ATRNL1: variants seen among roughly 807,000 people sequenced by gnomAD.
ATRNL1 encodes the protein attractin like 1.
In ATRNL1, 95 loss-of-function variants were observed where a neutral mutation model predicts 182.7. That is an observed-to-expected ratio of 0.52 (90% CI 0.44 to 0.62). The LOEUF is 0.62. Ranked by LOEUF, ATRNL1 falls within the 20% of genes least tolerant of loss-of-function variation. The probability of loss-of-function intolerance (pLI) is 0.00; values close to 1 mark genes in which losing one functional copy is unlikely to be tolerated. For missense variants in ATRNL1, 1,471 were observed against 1,679.5 expected (o/e 0.88, Z 2.17); for synonymous variants, 576 against 568.3 (o/e 1.01, Z -0.19).
chr10:115,600,558 C>G (rs1207364230), intron 26 of ATRNL1, among the ~76,000 whole-genome samples: 2 of 151,990 alleles, frequency 1.3e-5, no homozygotes, highest in Non-Finnish European at 2.9e-5. Context: ...ATTTTTTGCT[C>G]ATTTTTAAAA....
At chr10:115,305,880 C>G (rs142090716) in intron 17 of ATRNL1, among the ~76,000 whole-genome samples, 1 of 152,068 alleles carries the variant, frequency 6.6e-6, no homozygotes. Flanking sequence ...AGGCAATGCT[C>G]CACTTCTAGG....
intron 14 of ATRNL1, among the ~76,000 whole-genome samples, chr10:115,281,970 A>G (rs1403585660): frequency 2.0e-5 from 3 of 147,278 alleles, no homozygotes; most frequent in Non-Finnish European, 4.5e-5. Flanking sequence ...TATATATTAT[A>G]TATTTTCCCT....
chr10:115,179,446 C>G (rs1847661455), intron 8 of ATRNL1, among the ~76,000 whole-genome samples: 1 of 152,248 alleles, frequency 6.6e-6, no homozygotes, highest in Non-Finnish European at 1.5e-5. Flanking sequence ...GAAACACTCC[C>G]TCCTCTTGCT....
chr10:115,676,997 G>T (rs1472703504), intron 26 of ATRNL1, among the ~76,000 whole-genome samples: 2 of 152,048 alleles, frequency 1.3e-5, no homozygotes, highest in African/African-American at 4.8e-5. Flanking sequence ...CTTATTTACA[G>T]TACTTCTTCC....
chr10:115,265,496 G>A (rs1218979617), intron 11 of ATRNL1, among the ~76,000 whole-genome samples: 2 of 151,546 alleles, frequency 1.3e-5, no homozygotes, highest in Non-Finnish European at 3.0e-5. Flanking sequence ...TAAAGGAAAG[G>A]TGCTGAGATA....
chr10:115,520,307 G>C (rs1378105545), intron 25 of ATRNL1, among the ~76,000 whole-genome samples: 3 of 152,158 alleles, frequency 2.0e-5, no homozygotes, highest in African/African-American at 7.2e-5. Flanking sequence ...GTCTTGTCCA[G>C]ATATCCATAA....
At chr10:115,486,293 T>C (rs182358170) in intron 24 of ATRNL1, among the ~76,000 whole-genome samples, 210 of 152,316 alleles carry the variant, frequency 1.4e-3, no homozygotes, top group African/African-American at 4.6e-3. Context: ...ATAGTATTTC[T>C]AGTTGCAGTT....
At chr10:115,179,170 A>C (rs1463621186) in intron 8 of ATRNL1, among the ~76,000 whole-genome samples, 3 of 152,122 alleles carry the variant, frequency 2.0e-5, no homozygotes, top group African/African-American at 7.2e-5. Flanking sequence ...TTCTCCTTCT[A>C]GTGGTGACTC....
intron 26 of ATRNL1, among the ~76,000 whole-genome samples, chr10:115,666,124 T>C: frequency 6.6e-6 from 1 of 152,146 alleles, no homozygotes; most frequent in Non-Finnish European, 1.5e-5. Flanking sequence ...CTGTAAAAAG[T>C]TTCACTGACA....
intron 1 of ATRNL1, among the ~76,000 whole-genome samples, chr10:115,101,720 C>T (rs190780370): frequency 0.013 from 1,945 of 152,174 alleles, 49 homozygotes; most frequent in African/African-American, 0.045. Context: ...TAATGAGCAC[C>T]ATGGGACTCT....
chr10:115,719,365 A>G (rs1191022804), intron 26 of ATRNL1, among the ~76,000 whole-genome samples: 2 of 152,228 alleles, frequency 1.3e-5, no homozygotes, highest in Admixed American at 1.3e-4. Flanking sequence ...ATACACAGGT[A>G]TATCATCTGC....
intron 28 of ATRNL1, among the ~76,000 whole-genome samples, chr10:115,858,514 G>A (rs1951237924): frequency 6.6e-6 from 1 of 152,114 alleles, no homozygotes. Context: ...ATAGTGAGGG[G>A]AACAACATAC....
intron 28 of ATRNL1, among the ~76,000 whole-genome samples, chr10:115,849,227 C>T (rs1555099835): frequency 3.3e-5 from 5 of 152,134 alleles, no homozygotes; most frequent in Non-Finnish European, 7.4e-5. Context: ...CCTTTTCATA[C>T]ATTGAGTGAA....
intron 27 of ATRNL1, among the ~76,000 whole-genome samples, chr10:115,801,073 C>T (rs1555084254): frequency 6.6e-6 from 1 of 152,216 alleles, no homozygotes; most frequent in East Asian, 1.9e-4. Context: ...TAGTCATTGT[C>T]TGCACCTAAA....
At chr10:115,257,225 G>T (rs527363086) in intron 10 of ATRNL1, among the ~76,000 whole-genome samples, 1 of 152,218 alleles carries the variant, frequency 6.6e-6, no homozygotes, top group East Asian at 1.9e-4. Context: ...GTTGACAGTG[G>T]GGTTTTAAAG....
intron 26 of ATRNL1, among the ~76,000 whole-genome samples, chr10:115,632,737 G>C (rs1858594331): frequency 6.6e-6 from 1 of 152,082 alleles, no homozygotes; most frequent in African/African-American, 2.4e-5. Flanking sequence ...GTAGCAGGTA[G>C]AGACTGGTGA....
At chr10:115,567,231 G>A (rs1190115707) in intron 26 of ATRNL1, among the ~76,000 whole-genome samples, 5 of 152,112 alleles carry the variant, frequency 3.3e-5, no homozygotes, top group African/African-American at 1.2e-4. Context: ...GAATCTTAAT[G>A]TATTAAATCA....
At chr10:115,911,648 G>A (rs1039814057) in intron 28 of ATRNL1, among the ~76,000 whole-genome samples, 10 of 152,152 alleles carry the variant, frequency 6.6e-5, no homozygotes, top group African/African-American at 2.2e-4. Context: ...ATTGAGGCCC[G>A]ATTTCATCAG....
intron 10 of ATRNL1, among the ~76,000 whole-genome samples, chr10:115,260,422 A>G (rs1464365527): frequency 2.0e-5 from 3 of 152,206 alleles, no homozygotes; most frequent in African/African-American, 7.2e-5. Context: ...ATGTAGAGAT[A>G]CTGACATTTG....
Sources: gnomAD v4.1 joint callset for allele counts (sites outside exome capture counted in the v4.1 genomes callset) on GRCh38, gnomAD v4.1.1 for gene constraint, MANE v1.5 for transcripts, NCBI Gene and HGNC (gene_info 2026-07-23, HGNC 2026-07-21) for gene names.